The following GTF2E2 variants were observed in gnomAD, a reference collection of about 807,000 sequenced individuals.
The protein encoded by GTF2E2 is transcription initiation factor IIE subunit beta.
Under a neutral mutation model 40.5 loss-of-function variants are expected in GTF2E2, and 21 were observed. The observed-to-expected ratio is 0.52, with a 90% CI of 0.37 to 0.75. The LOEUF is 0.75. Ranked by LOEUF, GTF2E2 falls within the 30% of genes least tolerant of loss-of-function variation. The pLI is 0.00. For synonymous variants in GTF2E2, 117 were observed against 121.6 expected (o/e 0.96, Z 0.25); for missense variants, 298 against 338.4 (o/e 0.88, Z 0.94).
At chr8:30,641,355 G>A (rs1301667269) in intron 2 of GTF2E2, among the ~76,000 whole-genome samples, 4 of 152,046 alleles carry the variant, frequency 2.6e-5, no homozygotes, top group South Asian at 2.1e-4. Context: ...TATTAAAAGC[G>A]TAATTTGTTT....
chr8:30,642,246 A>G (rs537541672), intron 2 of GTF2E2, among the ~76,000 whole-genome samples: 5 of 149,140 alleles, frequency 3.4e-5, no homozygotes, highest in Non-Finnish European at 7.4e-5. Flanking sequence ...GATGTGTTAC[A>G]TTTTGAAAGC....
At chr8:30,619,665 G>A (rs936998735) in intron 3 of GTF2E2, among the ~76,000 whole-genome samples, 2 of 152,028 alleles carry the variant, frequency 1.3e-5, no homozygotes, top group Non-Finnish European at 2.9e-5. Context: ...GGGATTACAG[G>A]TGTGAGCCAC....
intron 6 of GTF2E2, among the ~76,000 whole-genome samples, chr8:30,589,896 T>C (rs1828794028): frequency 1.3e-5 from 2 of 152,238 alleles, no homozygotes; most frequent in Admixed American, 6.5e-5. Flanking sequence ...TGAAAACTGC[T>C]TTACAATGGG....
chr8:30,625,889 G>A (rs1445368185), intron 3 of GTF2E2, among the ~76,000 whole-genome samples: 7 of 152,194 alleles, frequency 4.6e-5, no homozygotes, highest in South Asian at 2.1e-4. Context: ...GTGAGCCACC[G>A]TGCCCAGCCT....
chr8:30,612,960 C>G (rs1364403438), intron 4 of GTF2E2, among the ~76,000 whole-genome samples: 1 of 152,160 alleles, frequency 6.6e-6, no homozygotes, highest in Non-Finnish European at 1.5e-5. Context: ...TCCTGGACAT[C>G]CAGAATTCCA....
chr8:30,615,171 T>G (rs1800881251), intron 3 of GTF2E2, among the ~76,000 whole-genome samples: 2 of 151,774 alleles, frequency 1.3e-5, no homozygotes. Context: ...CCCAGCTACT[T>G]GGGAGGCTGA....
intron 2 of GTF2E2, among the ~76,000 whole-genome samples, chr8:30,639,767 GT>G (rs144757695): frequency 3.4e-5 from 5 of 147,550 alleles, no homozygotes; most frequent in Admixed American, 6.8e-5. Flanking sequence ...AAGGGTTTTT[GT>G]TTTTTTTTTC....
intron 6 of GTF2E2, among the ~76,000 whole-genome samples, chr8:30,583,321 G>T (rs543906503): frequency 7.2e-5 from 11 of 152,286 alleles, no homozygotes; most frequent in Non-Finnish European, 1.2e-4. Context: ...GTAACACAGC[G>T]AGACTCCATC....
In GTF2E2 at chr8:30,578,797, A is replaced by G. The variant is rs1828427620; in HGVS notation, c.*124T>C. 1.5e-6 allele frequency: 1 copy of G among 654,910 alleles called. No homozygotes were observed. The highest frequency in any genetic ancestry group is 2.8e-6 in the Non-Finnish European group (1 of 358,158). The allele number at this position is 654,910 out of a possible 1,614,324, so 40.6% of individuals were successfully genotyped here. On this transcript the variant is annotated 3_prime_UTR_variant, in exon 8 of 8. Coordinates refer to ENST00000355904, the MANE Select transcript of GTF2E2 (RefSeq NM_002095.6). ...GTTTGGTAATTTGCACTTGTTTTGTAAACTGAACTGCTCCTCTCCTCAGCC... is the reference window on the plus strand; with the variant it reads ...GTTTGGTAATTTGCACTTGTTTTGTGAACTGAACTGCTCCTCTCCTCAGCC...
At chr8:30,655,674 T>C (rs1802428280) in intron 1 of GTF2E2, among the ~76,000 whole-genome samples, 1 of 152,178 alleles carries the variant, frequency 6.6e-6, no homozygotes, top group South Asian at 2.1e-4. Context: ...GCTGCTTAGA[T>C]TTGAGAAAAT....
chr8:30,642,869 G>C (rs1332861269), intron 2 of GTF2E2, among the ~76,000 whole-genome samples: 1 of 152,156 alleles, frequency 6.6e-6, no homozygotes, highest in Non-Finnish European at 1.5e-5. Flanking sequence ...CTGCCTTCCT[G>C]ACTGCCTCTT....
chr8:30,609,265 CA>C (rs753208919), intron 5 of GTF2E2, among the ~76,000 whole-genome samples: 10 of 25,918 alleles, frequency 3.9e-4, no homozygotes, highest in East Asian at 1.3e-3. Context: ...GACTCCGCCT[CA>C]AAAAAAAAAA....
intron 2 of GTF2E2, among the ~76,000 whole-genome samples, chr8:30,643,201 T>C (rs918340786): frequency 6.6e-6 from 1 of 152,200 alleles, no homozygotes; most frequent in African/African-American, 2.4e-5. Context: ...GTGAAAACAA[T>C]ATTGTGGTTA....
intron 2 of GTF2E2, among the ~76,000 whole-genome samples, chr8:30,641,838 T>C (rs1320393392): frequency 6.6e-6 from 1 of 151,610 alleles, no homozygotes; most frequent in East Asian, 2.0e-4. Context: ...ATTGTGCCAC[T>C]GCCATCCAGC....
At chr8:30,599,581 A>AC (rs1458859686) in intron 6 of GTF2E2, among the ~76,000 whole-genome samples, 2 of 24,626 alleles carry the variant, frequency 8.1e-5, no homozygotes, top group Non-Finnish European at 1.6e-4. Flanking sequence ...TTTGTCTCAC[A>AC]AAAAAAAAAA....
intron 2 of GTF2E2, chr8:30,645,601 T>C (rs1380502685): frequency 6.5e-7 from 1 of 1,527,784 alleles, no homozygotes; most frequent in East Asian, 2.5e-5. Context: ...GGTCTAACAC[T>C]CTATAGAAGA....
chr8:30,580,304 G>T lies in GTF2E2; in HGVS notation c.736C>A (p.Gln246Lys). The T allele has an allele frequency of 6.2e-7, 1 of 1,603,402 alleles. No homozygotes were observed. The highest frequency in any genetic ancestry group is 8.5e-7 in the Non-Finnish European group (1 of 1,170,194). The change falls in exon 7 of 8, where the codon CAG becomes AAG. Residue 246 changes from glutamine to lysine, a missense_variant. Physicochemically the swap from Gln to Lys is moderately conservative, Grantham distance 53. Coordinates refer to ENST00000355904, the MANE Select transcript of GTF2E2 (RefSeq NM_002095.6). ...YLKRQGISSM[Q>K]ESGPKKVAPI... ...ACCACTTTCTTTGGTCCAGATTCCTGCATGGAAGAAATACCCTGTCGCTTC... is the reference window on the plus strand; with the variant it reads ...ACCACTTTCTTTGGTCCAGATTCCTTCATGGAAGAAATACCCTGTCGCTTC...
intron 3 of GTF2E2, among the ~76,000 whole-genome samples, chr8:30,626,256 G>A (rs765708210): frequency 6.6e-6 from 1 of 152,192 alleles, no homozygotes; most frequent in Admixed American, 6.5e-5. Flanking sequence ...GGAGGCCAAC[G>A]TGGGCAGATC....
intron 3 of GTF2E2, among the ~76,000 whole-genome samples, chr8:30,625,785 G>C (rs560472549): frequency 6.6e-6 from 1 of 152,122 alleles, no homozygotes; most frequent in Non-Finnish European, 1.5e-5. Context: ...TTTTATTAGA[G>C]ACGGGGTTTT....
Sources: allele counts gnomAD v4.1 joint callset (sites outside exome capture counted in the v4.1 genomes callset), GRCh38; gene constraint gnomAD v4.1.1; transcripts MANE v1.5; gene names NCBI Gene and HGNC (gene_info 2026-07-23, HGNC 2026-07-21).